Variants in TADA2A observed in about 807,000 individuals in gnomAD.
TADA2A encodes transcriptional adaptor 2A.
In TADA2A, 38 loss-of-function variants were observed where a neutral mutation model predicts 67.4. The observed-to-expected ratio is 0.56, with a 90% confidence interval of 0.44 to 0.74. TADA2A has a LOEUF of 0.74. Ranked by LOEUF, TADA2A falls within the 30% of genes least tolerant of loss-of-function variation. The pLI, the probability that TADA2A is intolerant of heterozygous loss-of-function variation, is 0.00. For missense variants in TADA2A, 454 were observed against 547.0 expected, an observed-to-expected ratio of 0.83 and a Z score of 1.70; for synonymous variants, 192 against 181.6, an observed-to-expected ratio of 1.06 and a Z score of -0.46.
chr17:37,462,013 G>A, intron 9 of TADA2A, 65 bp from the exon 10 acceptor site: 1 of 1,228,920 alleles, frequency 8.1e-7, no homozygotes, highest in Non-Finnish European at 1.2e-6. Context: ...ATAGCTATAT[G>A]TGTAAAGCAT....
intron 4 of TADA2A, among the ~76,000 whole-genome samples, chr17:37,428,497 G>A (rs565557756): frequency 6.6e-6 from 1 of 152,282 alleles, no homozygotes; most frequent in South Asian, 2.1e-4. Context: ...AAGTCCTTGA[G>A]GTTGTTGATG....
At chr17:37,461,522 A>G (rs79958836) in intron 9 of TADA2A, among the ~76,000 whole-genome samples, 1,624 of 152,312 alleles carry the variant, frequency 0.011, 31 homozygotes, top group African/African-American at 0.035. Flanking sequence ...TTAAAACACA[A>G]TTCGAGCTAG....
intron 8 of TADA2A, 136 bp from the exon 9 acceptor site, chr17:37,458,388 A>G: frequency 4.9e-6 from 2 of 404,044 alleles, no homozygotes; most frequent in Middle Eastern, 7.8e-4. Flanking sequence ...TATGTTTTCT[A>G]GACTAGTGAG....
intron 4 of TADA2A, among the ~76,000 whole-genome samples, chr17:37,429,232 A>G (rs1233798282): frequency 6.6e-6 from 1 of 151,902 alleles, no homozygotes; most frequent in Non-Finnish European, 1.5e-5. Flanking sequence ...GAGCCACCAC[A>G]GCAGGCACCT....
intron 7 of TADA2A, among the ~76,000 whole-genome samples, chr17:37,443,241 C>A (rs999612515): frequency 6.6e-6 from 1 of 151,542 alleles, no homozygotes; most frequent in East Asian, 1.9e-4. Context: ...TATGAAATTC[C>A]TATAGTCTGG....
Position 37,458,546 on chromosome 17 carries a change from T to G in TADA2A, c.627T>G (p.Asp209Glu). ...ILHALKMAVV[D>E]IYHSRLKERQ... ...TAGCTCTGAAGATGGCTGTGGTAGATATCTATCATTCCAGGTTAAAGGAGA... is the reference window on the plus strand; with the variant it reads ...TAGCTCTGAAGATGGCTGTGGTAGAGATCTATCATTCCAGGTTAAAGGAGA... Residue 209 changes from aspartate to glutamate, a missense_variant, in exon 9 of 16, where the codon GAT (aspartate) becomes GAG (glutamate). Physicochemically the swap from Asp to Glu is conservative, Grantham distance 45. Around this residue, in one of 2 missense-constraint regions of TADA2A, gnomAD observed 403 missense variants for 455.5 expected, o/e 0.88. Transcript: ENST00000615182. 7 of 1,612,996 alleles carry G rather than the reference T, an allele frequency of 4.3e-6. No individual in the cohort carries two copies. Among genetic ancestry groups the G allele is most frequent in the Non-Finnish European group, 5.9e-6 (7 of 1,179,548 alleles).
intron 2 of TADA2A, among the ~76,000 whole-genome samples, chr17:37,416,254 G>A (rs1047008207): frequency 6.6e-6 from 1 of 151,672 alleles, no homozygotes; most frequent in South Asian, 2.1e-4. Context: ...AAGTAGCTGG[G>A]ATTACAGGCA....
At position 37,437,753 on chromosome 17, in the gene TADA2A, G is replaced by A; in HGVS notation, c.208G>A (p.Val70Ile). 6.2e-7 allele frequency: 1 copy of A among 1,614,076 alleles called. No individual in the cohort carries two copies. Among genetic ancestry groups the A allele is most frequent in the South Asian group, 1.1e-5 (1 of 91,068 alleles). ...TTCTCCTTAGACTTCAGATTTTCCT[G>A]TCCTTGATCCCAGCTGGACTGCTCA... is the stretch of plus-strand genomic sequence containing the variant. ...TYEIMTSDFP[V>I]LDPSWTAQEE... Residue 70 changes from valine to isoleucine, a missense_variant, in exon 5 of 16, where the codon GTC becomes ATC. Physicochemically the swap from Val to Ile is conservative, Grantham distance 29. Around this residue, in one of 2 missense-constraint regions of TADA2A, gnomAD observed 403 missense variants for 455.5 expected, o/e 0.88. Coordinates refer to ENST00000615182, the MANE Select transcript of TADA2A (RefSeq NM_001166105.3).
chr17:37,408,902 A>C (rs1323222571), intron 1 of TADA2A, among the ~76,000 whole-genome samples: 2 of 152,200 alleles, frequency 1.3e-5, no homozygotes, highest in African/African-American at 2.4e-5. Context: ...CTTAGTGATG[A>C]ATTATTCTCC....
At position 37,437,824 on chromosome 17, in the gene TADA2A, A is replaced by C. The variant is rs1323298368; in HGVS notation, c.279A>C (p.Gly93=). Reference sequence around the variant, plus strand: ...AAGCTGTGATGGACTGTGGCTTTGGAAATTGGTAAGAGCTTGGTGTTAAGA... The same window carrying C: ...AAGCTGTGATGGACTGTGGCTTTGGCAATTGGTAAGAGCTTGGTGTTAAGA... ...LLEAVMDCGF[G]NWQDVANQMC... is the part of the protein sequence containing the mutation. The change falls in exon 5 of 16, where the codon GGA becomes GGC. Residue 93 remains glycine (G), a synonymous_variant. Transcript: ENST00000615182. The C allele has an allele frequency of 1.9e-6, 3 of 1,614,064 alleles. No homozygotes were observed. Among genetic ancestry groups the C allele is most frequent in the Non-Finnish European group, 2.5e-6 (3 of 1,179,970 alleles).
At chr17:37,468,788 T>G (rs1277115859) in intron 12 of TADA2A, among the ~76,000 whole-genome samples, 1 of 152,232 alleles carries the variant, frequency 6.6e-6, no homozygotes, top group Non-Finnish European at 1.5e-5. Context: ...TGGCAGTTTC[T>G]GTTGTTTTGC....
At chr17:37,422,379 C>T (rs2052264920) in intron 2 of TADA2A, among the ~76,000 whole-genome samples, 1 of 151,462 alleles carries the variant, frequency 6.6e-6, no homozygotes, top group Non-Finnish European at 1.5e-5. Flanking sequence ...CAGGGTTTCA[C>T]TGTGTTGCCC....
intron 1 of TADA2A, chr17:37,407,266 G>A (rs189322822): frequency 6.6e-6 from 1 of 152,558 alleles, no homozygotes; most frequent in Non-Finnish European, 1.5e-5. Context: ...ACCAAGAATG[G>A]CCACTGTGCC....
intron 4 of TADA2A, among the ~76,000 whole-genome samples, chr17:37,435,473 A>G (rs181451854): frequency 6.6e-5 from 10 of 152,002 alleles, no homozygotes; most frequent in African/African-American, 1.9e-4. Flanking sequence ...TATTTTTAGT[A>G]GAGACGGGGT....
chr17:37,416,237 GC>G (rs1183889709), intron 2 of TADA2A, among the ~76,000 whole-genome samples: 1 of 151,250 alleles, frequency 6.6e-6, no homozygotes, highest in Non-Finnish European at 1.5e-5. Context: ...TCCTGCCTCA[GC>G]CTCCCAAGTA....
chr17:37,460,842 G>A (rs910303989), intron 9 of TADA2A, among the ~76,000 whole-genome samples: 14 of 152,088 alleles, frequency 9.2e-5, no homozygotes, highest in African/African-American at 1.4e-4. Flanking sequence ...CAATAAAAAG[G>A]AGAGAAGCCA....
chr17:37,426,345 T>C (rs2052403403), intron 3 of TADA2A: 1 of 152,072 alleles, frequency 6.6e-6, no homozygotes, highest in Non-Finnish European at 1.5e-5. Context: ...CACCATTCTA[T>C]TGCAGCTGCA....
At chr17:37,457,261 A>G (rs1022307618) in intron 8 of TADA2A, among the ~76,000 whole-genome samples, 1 of 149,090 alleles carries the variant, frequency 6.7e-6, no homozygotes, top group African/African-American at 2.5e-5. Context: ...GCTCACTGCA[A>G]CCTCTGCTTC....
chr17:37,440,458 T>C lies in TADA2A; in HGVS notation c.285-47T>C, dbSNP rs753445725. 1.9e-6 allele frequency: 3 copies of C among 1,596,730 alleles called. No homozygotes were observed. In the African/African-American group the frequency reaches 4.0e-5, roughly 21 times the overall value. The stretch of plus-strand genomic sequence containing the variant: ...AGAGCAAATGATGCTTTTAGTATTA[T>C]GTGTAAATACAAGTACCACTTCTCT... On this transcript the variant is annotated intron_variant, in intron 5 of 15. Coordinates refer to ENST00000615182, the MANE Select transcript of TADA2A (RefSeq NM_001166105.3).
Sources: gnomAD v4.1 joint callset for allele counts (sites outside exome capture counted in the v4.1 genomes callset) on GRCh38, gnomAD v4.1.1 for gene constraint, gnomAD v4.1.1 regional missense constraint, MANE v1.5 for transcripts, NCBI Gene and HGNC (gene_info 2026-07-23, HGNC 2026-07-21) for gene names.